TENM4: variants seen among roughly 807,000 people sequenced by gnomAD.
TENM4 encodes teneurin-4.
A neutral mutation model predicts 243.3 loss-of-function variants in TENM4; 82 were observed. The ratio of observed to expected loss-of-function variants is 0.34; its 90% CI spans 0.28 to 0.40. TENM4 has a LOEUF of 0.40. Ranked by LOEUF, TENM4 falls within the 10% of genes least tolerant of loss-of-function variation. TENM4 has a pLI of 1.00. For missense variants in TENM4, 3,138 were observed against 3,673.3 expected (o/e 0.85, Z 3.77); for synonymous variants, 1,412 against 1,456.3 (o/e 0.97, Z 0.69).
chr11:78,666,743 A>G (rs935388389), intron 32 of TENM4, among the ~76,000 whole-genome samples: 5 of 152,200 alleles, frequency 3.3e-5, no homozygotes, highest in Admixed American at 6.5e-5. Flanking sequence ...TGCAGCCTTG[A>G]ATGACATTTG....
At chr11:78,714,840 A>C (rs1859486815) in intron 25 of TENM4, among the ~76,000 whole-genome samples, 1 of 152,160 alleles carries the variant, frequency 6.6e-6, no homozygotes, top group Non-Finnish European at 1.5e-5. Flanking sequence ...CTCCTCTGCA[A>C]ACCTTCCCCA....
intron 4 of TENM4, among the ~76,000 whole-genome samples, chr11:79,109,641 A>G (rs1344573209): frequency 1.3e-5 from 2 of 152,240 alleles, no homozygotes; most frequent in Admixed American, 6.5e-5. Context: ...TGCATGTAAA[A>G]TAGCTATGAA....
At chr11:79,092,271 C>G (rs1170296054) in intron 4 of TENM4, among the ~76,000 whole-genome samples, 1 of 152,194 alleles carries the variant, frequency 6.6e-6, no homozygotes, top group African/African-American at 2.4e-5. Flanking sequence ...CGTACATGTT[C>G]TTGACACAGG....
intron 12 of TENM4, among the ~76,000 whole-genome samples, chr11:78,836,833 A>C (rs1858127780): frequency 6.6e-6 from 1 of 152,198 alleles, no homozygotes; most frequent in South Asian, 2.1e-4. Flanking sequence ...GCAATTTCTT[A>C]AACAACAAAA....
chr11:79,419,180 G>C (rs548500446), intron 1 of TENM4, among the ~76,000 whole-genome samples: 1 of 152,110 alleles, frequency 6.6e-6, no homozygotes, highest in Non-Finnish European at 1.5e-5. Flanking sequence ...AAGCCTACCT[G>C]GCTTTTCAAA....
Position 78,655,515 on chromosome 11 carries a change from A to G in TENM4, c.*2543T>C, listed in dbSNP as rs1266271254. 1 of 150,000 alleles carries G rather than the reference A, an allele frequency of 6.7e-6. No homozygotes were observed. The highest frequency in any genetic ancestry group is 1.5e-5 in the Non-Finnish European group (1 of 67,438). 9.3% of individuals were successfully genotyped at this position (150,000 alleles called of 1,614,324 possible). Reference sequence around the variant, plus strand: ...AACATAGTGAGACCCCATCTCTATGAAAAAAAAAAGAAAGAAAGAAAAAAA... The same window carrying G: ...AACATAGTGAGACCCCATCTCTATGGAAAAAAAAAGAAAGAAAGAAAAAAA... On this transcript the variant is annotated 3_prime_UTR_variant, in exon 34 of 34. Coordinates refer to ENST00000278550, the MANE Select transcript of TENM4 (RefSeq NM_001098816.3).
At chr11:78,786,371 C>T (rs952099667) in intron 16 of TENM4, among the ~76,000 whole-genome samples, 1 of 152,226 alleles carries the variant, frequency 6.6e-6, no homozygotes, top group East Asian at 1.9e-4. Flanking sequence ...CCTAGGAGCC[C>T]AGTGGGCATG....
chr11:79,141,195 G>T (rs1255975258), intron 4 of TENM4, among the ~76,000 whole-genome samples: 1 of 151,978 alleles, frequency 6.6e-6, no homozygotes, highest in Non-Finnish European at 1.5e-5. Flanking sequence ...AAAATGGAAG[G>T]ATTAGATTAA....
At chr11:79,184,847 A>T (rs1863353664) in intron 3 of TENM4, among the ~76,000 whole-genome samples, 1 of 152,250 alleles carries the variant, frequency 6.6e-6, no homozygotes, top group African/African-American at 2.4e-5. Flanking sequence ...ACACTTAAAA[A>T]TGGTCAAAAT....
chr11:79,313,081 C>T (rs1326198390), intron 1 of TENM4, among the ~76,000 whole-genome samples: 1 of 152,286 alleles, frequency 6.6e-6, no homozygotes, highest in Non-Finnish European at 1.5e-5. Flanking sequence ...AAACGGAAGG[C>T]AAGGAAGTAG....
intron 4 of TENM4, among the ~76,000 whole-genome samples, chr11:79,118,784 T>C (rs1861674924): frequency 1.3e-5 from 2 of 152,228 alleles, no homozygotes; most frequent in South Asian, 4.1e-4. Flanking sequence ...ATATGCTACA[T>C]CTTATTGATC....
intron 1 of TENM4, among the ~76,000 whole-genome samples, chr11:79,306,204 G>A (rs1159777537): frequency 2.6e-5 from 4 of 152,186 alleles, no homozygotes; most frequent in African/African-American, 7.2e-5. Context: ...TAAGAGACAA[G>A]GCACACGAGC....
intron 1 of TENM4, among the ~76,000 whole-genome samples, chr11:79,396,383 T>G (rs989180690): frequency 6.6e-6 from 1 of 152,198 alleles, no homozygotes; most frequent in African/African-American, 2.4e-5. Flanking sequence ...TACTTTATTA[T>G]TGCAAGTCCC....
chr11:78,719,068 C>A (rs1303434180), intron 25 of TENM4, among the ~76,000 whole-genome samples: 1 of 152,024 alleles, frequency 6.6e-6, no homozygotes, highest in African/African-American at 2.4e-5. Context: ...ATTATTATTA[C>A]TACTACTACT....
chr11:78,794,869 T>C (rs866602512), intron 15 of TENM4, among the ~76,000 whole-genome samples: 3 of 152,250 alleles, frequency 2.0e-5, no homozygotes, highest in Middle Eastern at 3.4e-3. Context: ...ATTCTCTAGA[T>C]GGGAAAACTA....
intron 6 of TENM4, among the ~76,000 whole-genome samples, chr11:78,985,756 T>C (rs1354060371): frequency 6.6e-6 from 1 of 152,220 alleles, no homozygotes; most frequent in African/African-American, 2.4e-5. Flanking sequence ...TTTATTGCCA[T>C]GCAGAAATGC....
At chr11:79,294,884 AG>A (rs1856423138) in intron 2 of TENM4, among the ~76,000 whole-genome samples, 1 of 152,126 alleles carries the variant, frequency 6.6e-6, no homozygotes. Flanking sequence ...AGTTACATGC[AG>A]GTGTGTTCCA....
intron 6 of TENM4, among the ~76,000 whole-genome samples, chr11:78,905,965 A>C (rs1856054678): frequency 6.6e-6 from 1 of 152,172 alleles, no homozygotes; most frequent in Admixed American, 6.5e-5. Flanking sequence ...GGCTGACTGA[A>C]TGTTCTTCCC....
At chr11:78,754,764 A>G (rs1189558250) in intron 19 of TENM4, among the ~76,000 whole-genome samples, 1 of 152,226 alleles carries the variant, frequency 6.6e-6, no homozygotes, top group Non-Finnish European at 1.5e-5. Flanking sequence ...CGGCTCTGCC[A>G]CTTGACTAGC....
Sources: gnomAD v4.1 joint callset for allele counts (sites outside exome capture counted in the v4.1 genomes callset) on GRCh38, gnomAD v4.1.1 for gene constraint, MANE v1.5 for transcripts, NCBI Gene and HGNC (gene_info 2026-07-23, HGNC 2026-07-21) for gene names.